SYN3: variants seen among roughly 807,000 people sequenced by gnomAD.
SYN3 encodes the protein synapsin-3.
A neutral mutation model predicts 65.8 loss-of-function variants in SYN3; 35 were observed. The ratio of observed to expected loss-of-function variants is 0.53; its 90% confidence interval spans 0.41 to 0.70. The LOEUF (loss-of-function observed/expected upper bound fraction) is 0.70. SYN3 is among the 30% of genes least tolerant of loss of function. The pLI is 0.00. For missense variants in SYN3, 680 were observed against 749.0 expected (o/e 0.91, Z 1.08); for synonymous variants, 270 against 292.9 (o/e 0.92, Z 0.80).
At chr22:32,736,185 A>G (rs2147364930) in intron 6 of SYN3, among the ~76,000 whole-genome samples, 1 of 152,376 alleles carries the variant, frequency 6.6e-6, no homozygotes, top group East Asian at 1.9e-4. Flanking sequence ...ATGGATACAC[A>G]TATGGGACCA....
chr22:32,550,170 A>G (rs1346261454), intron 7 of SYN3, among the ~76,000 whole-genome samples: 2 of 152,192 alleles, frequency 1.3e-5, no homozygotes, highest in South Asian at 2.1e-4. Flanking sequence ...ATTTCAAGTG[A>G]CTTTGTAACA....
At position 32,568,983 on chromosome 22, in the gene SYN3, C is replaced by A. The variant is rs78802245; in HGVS notation, c.775-27270G>T. On this transcript the variant is annotated intron_variant, in intron 7 of 13. Transcript: ENST00000358763. ...CACTATGACACACATTCTTCCCATGCAAGTCACAAAGTTGTTAGAGGAATC... is the reference window on the plus strand; with the variant it reads ...CACTATGACACACATTCTTCCCATGAAAGTCACAAAGTTGTTAGAGGAATC... Among the ~76,000 whole-genome samples, 1,107 of 152,254 alleles carry A rather than the reference C, an allele frequency of 7.3e-3. 8 individuals are homozygous for A. The highest frequency in any genetic ancestry group is 0.025 in the African/African-American group (1,022 of 41,544).
chr22:33,039,400 G>T, intron 1 of SYN3, among the ~76,000 whole-genome samples: 1 of 138,358 alleles, frequency 7.2e-6, no homozygotes. Flanking sequence ...TTTTGAGACA[G>T]AGTCTCACTC....
intron 4 of SYN3, among the ~76,000 whole-genome samples, chr22:32,916,442 T>C (rs1456421420): frequency 1.3e-5 from 2 of 152,278 alleles, no homozygotes; most frequent in East Asian, 3.8e-4. Context: ...GTGGTTGAGC[T>C]AGACTTTGAA....
intron 8 of SYN3, 66 bp downstream of exon 8, chr22:32,541,505 G>T: frequency 3.1e-6 from 5 of 1,591,746 alleles, no homozygotes; most frequent in Non-Finnish European, 4.3e-6. Context: ...AGGAGACAGC[G>T]GCTGGACATG....
chr22:32,594,761 T>A (rs2059175160), intron 7 of SYN3, among the ~76,000 whole-genome samples: 2 of 152,172 alleles, frequency 1.3e-5, no homozygotes, highest in Admixed American at 6.5e-5. Flanking sequence ...GTTCTGGGAT[T>A]ATAGGCGTGA....
At chr22:32,970,660 A>C (rs1031081703) in intron 3 of SYN3, among the ~76,000 whole-genome samples, 7 of 152,174 alleles carry the variant, frequency 4.6e-5, no homozygotes, top group African/African-American at 1.7e-4. Context: ...TAACAGAGAA[A>C]CTATGCAGGA....
chr22:32,808,000 G>C (rs976965639), intron 6 of SYN3, among the ~76,000 whole-genome samples: 3 of 151,884 alleles, frequency 2.0e-5, no homozygotes, highest in African/African-American at 7.3e-5. Flanking sequence ...TTGTCTCTTT[G>C]AAAGGGAGCA....
intron 6 of SYN3, among the ~76,000 whole-genome samples, chr22:32,762,836 T>C (rs1447318579): frequency 1.3e-5 from 2 of 151,632 alleles, no homozygotes; most frequent in Non-Finnish European, 2.9e-5. Context: ...GTAAGGAAAA[T>C]AGTAATCATC....
At chr22:32,724,956 T>A (rs1442944126) in intron 6 of SYN3, among the ~76,000 whole-genome samples, 1 of 152,130 alleles carries the variant, frequency 6.6e-6, no homozygotes, top group Non-Finnish European at 1.5e-5. Context: ...CTGTCTCTAC[T>A]AAAGATACAA....
chr22:32,740,282 G>T (rs2061388165), intron 6 of SYN3, among the ~76,000 whole-genome samples: 1 of 152,152 alleles, frequency 6.6e-6, no homozygotes, highest in Non-Finnish European at 1.5e-5. Flanking sequence ...GGCCCGAGAG[G>T]TGCAATGTGG....
chr22:32,839,900 G>A (rs1041895288), intron 6 of SYN3, among the ~76,000 whole-genome samples: 2 of 151,910 alleles, frequency 1.3e-5, no homozygotes, highest in Non-Finnish European at 2.9e-5. Flanking sequence ...TACAACAGAC[G>A]TCAGCAGGGG....
chr22:32,538,749 G>A (rs564139833), intron 8 of SYN3, among the ~76,000 whole-genome samples: 21 of 152,000 alleles, frequency 1.4e-4, no homozygotes, highest in Middle Eastern at 3.4e-3. Flanking sequence ...TCTGACATAC[G>A]ACTTCCTGAC....
intron 1 of SYN3, among the ~76,000 whole-genome samples, chr22:33,016,747 G>A (rs1036375146): frequency 2.0e-5 from 3 of 151,970 alleles, no homozygotes; most frequent in African/African-American, 7.3e-5. Flanking sequence ...TTTTTGATTG[G>A]ATTATTTATT....
intron 1 of SYN3, among the ~76,000 whole-genome samples, chr22:33,053,415 A>T (rs2054203727): frequency 6.6e-6 from 1 of 152,048 alleles, no homozygotes; most frequent in South Asian, 2.1e-4. Context: ...ACAGAGCGAG[A>T]CTCCGTTTCA....
At chr22:32,622,257 C>T (rs561099254) in intron 6 of SYN3, among the ~76,000 whole-genome samples, 2 of 152,230 alleles carry the variant, frequency 1.3e-5, no homozygotes, top group South Asian at 4.1e-4. Context: ...ACCTCTCTAT[C>T]TTGTGGCCCA....
chr22:32,860,815 G>C (rs2048513590), intron 6 of SYN3: 1 of 151,884 alleles, frequency 6.6e-6, no homozygotes, highest in South Asian at 2.1e-4. Flanking sequence ...CTCCCTGGTG[G>C]GTGAATGCCA....
chr22:32,732,125 C>T (rs1490138998), intron 6 of SYN3, among the ~76,000 whole-genome samples: 1 of 152,238 alleles, frequency 6.6e-6, no homozygotes, highest in Admixed American at 6.5e-5. Flanking sequence ...AGCACCTTCA[C>T]TTGCTTAGTA....
At chr22:32,640,861 T>C (rs1251534058) in intron 6 of SYN3, among the ~76,000 whole-genome samples, 1 of 151,792 alleles carries the variant, frequency 6.6e-6, no homozygotes, top group African/African-American at 2.4e-5. Context: ...AGCAAGACTC[T>C]GTCTCGGAAA....
Sources: gnomAD v4.1 joint callset for allele counts (sites outside exome capture counted in the v4.1 genomes callset) on GRCh38, gnomAD v4.1.1 for gene constraint, MANE v1.5 for transcripts, NCBI Gene and HGNC (gene_info 2026-07-23, HGNC 2026-07-21) for gene names.